Variants in SBNO1 observed in about 807,000 individuals in gnomAD.
SBNO1 encodes the protein protein strawberry notch homolog 1.
Under a neutral mutation model 173.6 loss-of-function variants are expected in SBNO1, and 23 were observed. The observed-to-expected ratio is 0.13, with a 90% CI of 0.10 to 0.19. The LOEUF (loss-of-function observed/expected upper bound fraction) is 0.19. Ranked by LOEUF, SBNO1 falls within the 10% of genes least tolerant of loss-of-function variation. The pLI, the probability that SBNO1 is intolerant of heterozygous loss-of-function variation, is 1.00. For synonymous variants in SBNO1, 632 were observed against 571.5 expected, an observed-to-expected ratio of 1.11 and a Z score of -1.51; for missense variants, 1,238 against 1,671.2, an observed-to-expected ratio of 0.74 and a Z score of 4.52.
chr12:123,297,400 CAAAA>C lies in SBNO1; in HGVS notation c.4039+574_4039+577del, dbSNP rs59447456. 3.2e-4 allele frequency among the ~76,000 whole-genome samples: 10 copies of C among 31,518 alleles called. 2 individuals are homozygous for C. In the South Asian group the frequency reaches 6.4e-3, roughly 20 times the overall value. The allele number at this position is 31,518 out of a possible 152,430, so 20.7% of individuals were successfully genotyped here. On this transcript the variant is annotated intron_variant, in intron 31 of 31. Transcript: ENST00000602398. ...TACAACATCCCAAAATACTGGTGTC[CAAAA>C]AAAAAAAAAAAAAAAAAATTCCATA...
chr12:123,361,743 A>AT (rs1555253279), intron 1 of SBNO1, among the ~76,000 whole-genome samples: 2 of 148,758 alleles, frequency 1.3e-5, no homozygotes, highest in Admixed American at 6.7e-5. Context: ...AAAAAAAAAA[A>AT]AATACAAAAT....
intron 14 of SBNO1, among the ~76,000 whole-genome samples, chr12:123,325,835 G>C (rs868860781): frequency 6.6e-6 from 1 of 152,116 alleles, no homozygotes; most frequent in African/African-American, 2.4e-5. Context: ...CCCTGCCCTT[G>C]TACAGTTTAT....
intron 1 of SBNO1, among the ~76,000 whole-genome samples, chr12:123,363,357 A>C (rs1875617247): frequency 6.6e-6 from 1 of 152,184 alleles, no homozygotes; most frequent in Non-Finnish European, 1.5e-5. Flanking sequence ...GCTAGAAAAT[A>C]TGGTGGAAAA....
chr12:123,353,303 T>G (rs1482698109), intron 1 of SBNO1, among the ~76,000 whole-genome samples: 1 of 152,138 alleles, frequency 6.6e-6, no homozygotes, highest in African/African-American at 2.4e-5. Flanking sequence ...GTCAGAAAAC[T>G]TAAATCATCT....
At position 123,293,496 on chromosome 12, in the gene SBNO1, T is replaced by C. The variant is rs1166441657; in HGVS notation, c.*2412A>G. ...CCTGAAGAAGGGGTGGGTGCAACTC[T>C]CTGGGTGCTGCACACACCATGACCA... On this transcript the variant is annotated 3_prime_UTR_variant, in exon 32 of 32. Coordinates refer to ENST00000602398, the MANE Select transcript of SBNO1 (RefSeq NM_001167856.3). The C allele has an allele frequency of 6.6e-6, 1 of 152,158 alleles. No homozygotes were observed. Among genetic ancestry groups the C allele is most frequent in the Admixed American group, 6.6e-5 (1 of 15,258 alleles). 9.4% of individuals were successfully genotyped at this position (152,158 alleles called of 1,614,324 possible). A position where few individuals can be genotyped will look rare whatever the true frequency, so the allele number is the denominator to read the frequency against.
intron 15 of SBNO1, among the ~76,000 whole-genome samples, chr12:123,324,798 C>T (rs940826442): frequency 3.9e-5 from 6 of 151,900 alleles, no homozygotes; most frequent in African/African-American, 1.5e-4. Flanking sequence ...TTAAAGTAGA[C>T]TTTATTTTAT....
rs1035816594 is a variant in SBNO1 at position 123,291,787 on chromosome 12, T to C, written c.*4121A>G. On this transcript the variant is annotated 3_prime_UTR_variant, in exon 32 of 32. Transcript: ENST00000602398. ...AAAAGGGAGAAACAGGTGGGCAGAG[T>C]CCCAATTTACAAGAATTATTTACAT... 6.7e-6 allele frequency: 1 copy of C among 149,188 alleles called. No individual in the cohort carries two copies. The highest frequency in any genetic ancestry group is 2.5e-5 in the African/African-American group (1 of 40,388). 9.2% of individuals were successfully genotyped at this position (149,188 alleles called of 1,614,324 possible). A position where few individuals can be genotyped will look rare whatever the true frequency, so the allele number is the denominator to read the frequency against.
chr12:123,360,497 T>A (rs780291740), intron 1 of SBNO1, among the ~76,000 whole-genome samples: 12 of 151,810 alleles, frequency 7.9e-5, no homozygotes, highest in Non-Finnish European at 1.3e-4. Flanking sequence ...AAAGCTGGAG[T>A]GCAGTGGCGC....
rs1204562301 is a variant in SBNO1 at position 123,292,109 on chromosome 12, C to T, written c.*3799G>A. ...TTTCTGCAGCAAAGTGGGCCGAGCG[C>T]AGTACGCACAGGTGTGGTGTTAGCC... On this transcript the variant is annotated 3_prime_UTR_variant, in exon 32 of 32. Transcript: ENST00000602398. The T allele has an allele frequency of 2.6e-5, 4 of 151,726 alleles. No homozygotes were observed. Among genetic ancestry groups the T allele is most frequent in the Admixed American group, 2.0e-4 (3 of 15,204 alleles). 9.4% of individuals were successfully genotyped at this position (151,726 alleles called of 1,614,324 possible).
intron 28 of SBNO1, among the ~76,000 whole-genome samples, chr12:123,305,639 A>C (rs2048895703): frequency 6.6e-6 from 1 of 151,962 alleles, no homozygotes; most frequent in African/African-American, 2.4e-5. Flanking sequence ...ATGCCTGGCT[A>C]ATTTTGTATT....
intron 1 of SBNO1, among the ~76,000 whole-genome samples, chr12:123,360,589 T>C (rs1263702475): frequency 1.3e-5 from 2 of 151,592 alleles, no homozygotes; most frequent in Non-Finnish European, 2.9e-5. Context: ...GGATTATAGG[T>C]GCGGATCACC....
Position 123,311,115 on chromosome 12 carries a change from G to C in SBNO1, c.3235C>G (p.Leu1079Val), listed in dbSNP as rs761385553. Reference sequence around the variant, plus strand: ...ACATTTATCAGGCCAACGCCTATCAGTCCTTGTCGAACATCTGTAAGAACA... The same window carrying C: ...ACATTTATCAGGCCAACGCCTATCACTCCTTGTCGAACATCTGTAAGAACA... ...GEFFKDVRQG[L>V]IGVGLINVED... The change falls in exon 25 of 32, where the codon CTG (leucine) becomes GTG (valine). Residue 1079 changes from leucine (L) to valine (V), a missense_variant. Physicochemically the swap from Leu to Val is conservative, Grantham distance 32. Transcript: ENST00000602398. 6.2e-7 allele frequency: 1 copy of C among 1,613,110 alleles called. No homozygotes were observed. Among genetic ancestry groups the C allele is most frequent in the Non-Finnish European group, 8.5e-7 (1 of 1,179,172 alleles).
At position 123,345,520 on chromosome 12, in the gene SBNO1, A is replaced by G. The variant is rs1873020086; in HGVS notation, c.288T>C (p.Leu96=). The change falls in exon 4 of 32, where the codon CTT becomes CTC. Residue 96 remains leucine, a synonymous_variant. Coordinates refer to ENST00000602398, the MANE Select transcript of SBNO1 (RefSeq NM_001167856.3). ...TTACAATTGTAGATCCCAAGGGTGG[A>G]AGATGATTTATTTGATTCAGCACAA... is the stretch of plus-strand genomic sequence containing the variant. ...TTFVLNQINH[L]PPLGSTIVMT... 1.9e-6 allele frequency: 3 copies of G among 1,614,102 alleles called. No homozygotes were observed. Among genetic ancestry groups the G allele is most frequent in the Non-Finnish European group, 2.5e-6 (3 of 1,180,008 alleles).
At chr12:123,360,719 C>T (rs1241275116) in intron 1 of SBNO1, among the ~76,000 whole-genome samples, 1 of 152,010 alleles carries the variant, frequency 6.6e-6, no homozygotes. Flanking sequence ...GCTGGGATTA[C>T]AGGCGTGCAC....
intron 21 of SBNO1, among the ~76,000 whole-genome samples, chr12:123,316,633 C>T (rs572231186): frequency 5.9e-5 from 9 of 152,198 alleles, no homozygotes; most frequent in African/African-American, 1.9e-4. Context: ...AATCCTCCTA[C>T]CTCAGCCTCC....
At chr12:123,320,300 T>C in intron 19 of SBNO1, 132 bp downstream of exon 19, 4 of 918,648 alleles carry the variant, frequency 4.4e-6, no homozygotes, top group Non-Finnish European at 6.6e-6. Context: ...GGATGTAGGA[T>C]GGCAACTAAA....
At position 123,295,854 on chromosome 12, in the gene SBNO1, A is replaced by G. The variant is rs2048584024; in HGVS notation, c.*54T>C. ...GAAACTGTCCCTGATTTTTATGCAA[A>G]TGATATGCTTCAACAGCATTTCAGA... On this transcript the variant is annotated 3_prime_UTR_variant, in exon 32 of 32. Transcript: ENST00000602398. 2 of 1,579,752 alleles carry G rather than the reference A, an allele frequency of 1.3e-6. No individual in the cohort carries two copies. The highest frequency in any genetic ancestry group is 1.7e-6 in the Non-Finnish European group (2 of 1,161,652).
At chr12:123,348,743 G>A (rs1873520522) in intron 2 of SBNO1, among the ~76,000 whole-genome samples, 1 of 152,000 alleles carries the variant, frequency 6.6e-6, no homozygotes, top group Non-Finnish European at 1.5e-5. Flanking sequence ...TCTGGACTGG[G>A]TGACAGAGCG....
intron 30 of SBNO1, 22 bp downstream of exon 30, chr12:123,302,802 T>G: frequency 1.9e-6 from 3 of 1,588,326 alleles, no homozygotes; most frequent in Non-Finnish European, 2.6e-6. Flanking sequence ...GAAAATTTGG[T>G]AGGAAACACG....
Sources: allele counts gnomAD v4.1 joint callset (sites outside exome capture counted in the v4.1 genomes callset), GRCh38; gene constraint gnomAD v4.1.1; transcripts MANE v1.5; gene names NCBI Gene and HGNC (gene_info 2026-07-23, HGNC 2026-07-21).